The following DDX52 variants were observed in gnomAD, a reference collection of about 807,000 sequenced individuals.
The protein encoded by DDX52 is DExD-box helicase 52.
Under a neutral mutation model 76.1 loss-of-function variants are expected in DDX52, and 59 were observed. That is an observed-to-expected ratio of 0.78 (90% CI 0.63 to 0.96). The LOEUF (loss-of-function observed/expected upper bound fraction) is 0.96. Ranked by LOEUF, DDX52 falls within the 40% of genes least tolerant of loss-of-function variation. The pLI is 0.00. For missense variants in DDX52, 707 were observed against 703.9 expected, an observed-to-expected ratio of 1.00 and a Z score of -0.05; for synonymous variants, 231 against 244.1, an observed-to-expected ratio of 0.95 and a Z score of 0.50.
intron 2 of DDX52, among the ~76,000 whole-genome samples, chr17:37,634,779 G>A (rs9906814): frequency 0.075 from 11,368 of 151,936 alleles, 799 homozygotes; most frequent in East Asian, 0.3. Flanking sequence ...TGACTTAACA[G>A]TTTGTATGGG....
chr17:37,621,335 T>G (rs890040216), intron 10 of DDX52, 58 bp from the exon 11 acceptor site: 12 of 1,593,530 alleles, frequency 7.5e-6, no homozygotes, highest in Non-Finnish European at 9.4e-6. Flanking sequence ...CTTCATAAAT[T>G]TAATGTCAAT....
intron 1 of DDX52, chr17:37,643,034 C>T (rs3813912): frequency 0.17 from 49,272 of 296,610 alleles, 4,333 homozygotes; most frequent in Middle Eastern, 0.25. Flanking sequence ...CCTCTAGGTT[C>T]GGAGAAAAAG....
intron 13 of DDX52, among the ~76,000 whole-genome samples, chr17:37,618,830 G>A (rs1196370969): frequency 2.0e-5 from 3 of 152,138 alleles, no homozygotes; most frequent in African/African-American, 7.2e-5. Flanking sequence ...AGGTGGGGCT[G>A]TAACTACTTT....
rs779128132 is a variant in DDX52, at chr17:37,624,315, C to G, written c.1227+29G>C. 8.9e-6 allele frequency: 14 copies of G among 1,579,966 alleles called. No homozygotes were observed. The Admixed American group carries it at 2.1e-4, about 24-fold the overall frequency. On this transcript the variant is annotated intron_variant, in intron 9 of 14. Transcript: ENST00000617633. ...TAATATAAGACTTGGCAAACTTTAC[C>G]AAAATTCAAGAAGGTAATACAAATA...
chr17:37,628,766 C>T, intron 5 of DDX52, 94 bp from the exon 6 acceptor site: 3 of 878,044 alleles, frequency 3.4e-6, no homozygotes, highest in African/African-American at 1.7e-5. Context: ...CTATTACCAA[C>T]CCATGAATAT....
rs1221583467 is a variant in DDX52, at chr17:37,643,414, C to T, written c.7G>A (p.Val3Ile). 3 of 1,613,918 alleles carry T rather than the reference C, an allele frequency of 1.9e-6. No homozygotes were observed. The highest frequency in any genetic ancestry group is 2.2e-5 in the East Asian group (1 of 44,870). The change falls in exon 1 of 15, where the codon GTC (valine) becomes ATC (isoleucine). Residue 3 changes from valine (V) to isoleucine (I), a missense_variant. Val to Ile is a conservative substitution (Grantham distance 29). Transcript: ENST00000617633. ...CCGAGCCGGCGAAAGAGATCGTGGA[C>T]GTCCATCTTTACCCAGAAAGCGCCA... MD[V>I]HDLFRRLGAG...
chr17:37,623,135 C>G (rs1288013553), intron 9 of DDX52, among the ~76,000 whole-genome samples: 2 of 152,342 alleles, frequency 1.3e-5, no homozygotes, highest in African/African-American at 4.8e-5. Context: ...ACCACTAAGG[C>G]TGCTGCCCTT....
At chr17:37,632,012 G>C in intron 4 of DDX52, 101 bp downstream of exon 4, 2 of 1,518,814 alleles carry the variant, frequency 1.3e-6, no homozygotes. Flanking sequence ...ATTTTAACAG[G>C]GGAGATAAGG....
chr17:37,643,389 C>T lies in DDX52; in HGVS notation c.32G>A (p.Gly11Asp). 1 of 1,614,046 alleles carries T rather than the reference C, an allele frequency of 6.2e-7. No individual in the cohort carries two copies. The highest frequency in any genetic ancestry group is 8.5e-7 in the Non-Finnish European group (1 of 1,179,930). MDVHDLFRRL[G>D]AGAKFDTRRF... is the part of the protein sequence containing the mutation. ...TCTCGTGTCGAATTTGGCCCCCGCG[C>T]CGAGCCGGCGAAAGAGATCGTGGAC... Residue 11 changes from glycine (G) to aspartate (D), a missense_variant, in exon 1 of 15, where the codon GGC (glycine) becomes GAC (aspartate). By Grantham distance (94) the Gly-to-Asp change is moderately conservative. Coordinates refer to ENST00000617633, the MANE Select transcript of DDX52 (RefSeq NM_007010.5).
chr17:37,625,831 CT>C, intron 8 of DDX52, 63 bp downstream of exon 8: 1 of 1,587,718 alleles, frequency 6.3e-7, no homozygotes, highest in Non-Finnish European at 8.6e-7. Context: ...CTCCTTCAGT[CT>C]TTAAAAAAGA....
At chr17:37,626,670 C>T in intron 7 of DDX52, 118 bp downstream of exon 7, 1 of 947,924 alleles carries the variant, frequency 1.1e-6, no homozygotes, top group South Asian at 1.4e-5. Flanking sequence ...TCAGTGCCAA[C>T]ACTGACTGAA....
intron 9 of DDX52, among the ~76,000 whole-genome samples, chr17:37,623,865 G>A (rs1301048469): frequency 6.6e-6 from 1 of 152,120 alleles, no homozygotes; most frequent in Non-Finnish European, 1.5e-5. Flanking sequence ...TTCTTGTATT[G>A]TCCAGTGCTG....
At chr17:37,635,530 C>T (rs757334165) in intron 2 of DDX52, 5 of 447,226 alleles carry the variant, frequency 1.1e-5, no homozygotes, top group Non-Finnish European at 2.2e-5. Flanking sequence ...ACCTATGTTG[C>T]ACCATGTATC....
rs145888178 is a variant in DDX52 at position 37,626,531 on chromosome 17, G to A, written c.932+257C>T. Among the ~76,000 whole-genome samples, 3 of 152,316 alleles carry A rather than the reference G, an allele frequency of 2.0e-5. No individual in the cohort carries two copies. The East Asian group carries it at 5.8e-4, about 29-fold the overall frequency. On this transcript the variant is annotated intron_variant, in intron 7 of 14. Coordinates refer to ENST00000617633, the MANE Select transcript of DDX52 (RefSeq NM_007010.5). The stretch of plus-strand genomic sequence containing the variant: ...CTCAGGTAGCTGTTTAGAGCAGCAT[G>A]AAAACGGACTAACACAGCAGGAAAA...
At chr17:37,615,992 AAC>A (rs1200833182) in intron 14 of DDX52, among the ~76,000 whole-genome samples, 1 of 152,172 alleles carries the variant, frequency 6.6e-6, no homozygotes, top group African/African-American at 2.4e-5. Flanking sequence ...CCCGCCTAGC[AAC>A]AGAGATTCCA....
rs2064335322 is a variant in DDX52, at chr17:37,610,941, A to G, written c.*3355T>C. 1 of 152,264 alleles carries G rather than the reference A, an allele frequency of 6.6e-6. No homozygotes were observed. Among genetic ancestry groups the G allele is most frequent in the South Asian group, 2.1e-4 (1 of 4,836 alleles). 9.4% of individuals were successfully genotyped at this position (152,264 alleles called of 1,614,324 possible). On this transcript the variant is annotated 3_prime_UTR_variant, in exon 15 of 15. Transcript: ENST00000617633. ...TTTGAAGGAGCTAAATTTAGTATTA[A>G]TACACTGACTAAGTTGATACAGGTT...
In DDX52 at chr17:37,633,312, C is replaced by G. The variant is rs1432666138; in HGVS notation, c.393G>C (p.Lys131Asn). Residue 131 changes from lysine to asparagine, a missense_variant, in exon 3 of 15, where the codon AAG becomes AAC. By Grantham distance (94) the Lys-to-Asn change is moderately conservative. Coordinates refer to ENST00000617633, the MANE Select transcript of DDX52 (RefSeq NM_007010.5). ...CCTTTTCTTTTCTGAGATTCTCCAA[C>G]TTTCCGGAAGTTAGTTTACTTTCTC... ...VQRESKLTSG[K>N]LENLRKEKIN... is the part of the protein sequence containing the mutation. 1 of 1,607,008 alleles carries G rather than the reference C, an allele frequency of 6.2e-7. No homozygotes were observed. The highest frequency in any genetic ancestry group is 1.7e-5 in the Admixed American group (1 of 58,860).
chr17:37,625,152 C>A (rs576379440), intron 8 of DDX52, among the ~76,000 whole-genome samples: 18 of 152,100 alleles, frequency 1.2e-4, no homozygotes, highest in African/African-American at 4.3e-4. Context: ...ATTACAGGCA[C>A]ACACCCATTT....
intron 2 of DDX52, among the ~76,000 whole-genome samples, 162 bp downstream of exon 2, chr17:37,641,948 C>T (rs994413869): frequency 6.6e-6 from 1 of 152,090 alleles, no homozygotes; most frequent in Non-Finnish European, 1.5e-5. Context: ...CTTAAAATTA[C>T]CTTTGCTGTA....
Sources: gnomAD v4.1 joint callset for allele counts (sites outside exome capture counted in the v4.1 genomes callset) on GRCh38, gnomAD v4.1.1 for gene constraint, MANE v1.5 for transcripts, NCBI Gene and HGNC (gene_info 2026-07-23, HGNC 2026-07-21) for gene names.